Variants in FRMD7 observed in about 807,000 individuals in gnomAD.
FRMD7 encodes the protein FERM domain-containing protein 7.
FRMD7 carries 14 observed loss-of-function variants against 44.1 expected under a neutral mutation model. That is an observed-to-expected ratio of 0.32 (90% confidence interval 0.21 to 0.50). FRMD7 has a LOEUF of 0.50. Among genes scored for constraint, FRMD7 ranks in the 20% least tolerant of loss-of-function variants. The probability of loss-of-function intolerance (pLI) is 0.99; values close to 1 mark genes in which losing one functional copy is unlikely to be tolerated. For missense variants in FRMD7, 501 were observed against 522.3 expected (o/e 0.96, Z 0.40); for synonymous variants, 212 against 187.4 (o/e 1.13, Z -1.07).
At chrX:132,092,333 C>T (rs1928203348) in intron 5 of FRMD7, among the ~76,000 whole-genome samples, 2 of 111,221 alleles carry the variant, frequency 1.8e-5, no homozygotes, top group African/African-American at 3.3e-5. Context: ...AGGTATCCAA[C>T]AAATATTAGA....
chrX:132,077,816 T>C lies in FRMD7; in HGVS notation c.*56A>G. On this transcript the variant is annotated 3_prime_UTR_variant, in exon 12 of 12. Coordinates refer to ENST00000298542, the MANE Select transcript of FRMD7 (RefSeq NM_194277.3). ...AAATGGTTTCTACAACTTCATTATTTTCTGCCTAAGTCGGTAACATGGAAC... is the reference window on the plus strand; with the variant it reads ...AAATGGTTTCTACAACTTCATTATTCTCTGCCTAAGTCGGTAACATGGAAC... 1 of 1,207,295 alleles carries C rather than the reference T, an allele frequency of 8.3e-7. No homozygotes were observed. The highest frequency in any genetic ancestry group is 3.0e-5 in the East Asian group (1 of 33,762).
intron 5 of FRMD7, among the ~76,000 whole-genome samples, chrX:132,088,557 CAA>C (rs150701717): frequency 3.0e-4 from 21 of 70,346 alleles, no homozygotes; most frequent in Non-Finnish European, 2.0e-4. Flanking sequence ...GGCCCTGTCT[CAA>C]AAAAAAAAAA....
At chrX:132,089,076 A>G (rs570185253) in intron 5 of FRMD7, among the ~76,000 whole-genome samples, 1 of 112,098 alleles carries the variant, frequency 8.9e-6, no homozygotes, top group African/African-American at 3.2e-5. Flanking sequence ...CAATGTGTAC[A>G]CTTCCTTATT....
chrX:132,098,080 G>A (rs997265738), intron 3 of FRMD7, among the ~76,000 whole-genome samples: 5 of 111,830 alleles, frequency 4.5e-5, no homozygotes, highest in Non-Finnish European at 9.4e-5. Flanking sequence ...GAGTTTGGAG[G>A]AGGTCAAGGA....
intron 1 of FRMD7, among the ~76,000 whole-genome samples, chrX:132,102,488 C>A (rs1429914292): frequency 9.0e-6 from 1 of 111,633 alleles, no homozygotes; most frequent in Non-Finnish European, 1.9e-5. Context: ...CCAGGGAGGG[C>A]CTGTTTATAG....
At chrX:132,124,971 G>A (rs1208874783) in intron 1 of FRMD7, among the ~76,000 whole-genome samples, 3 of 111,943 alleles carry the variant, frequency 2.7e-5, no homozygotes, top group African/African-American at 9.7e-5. Flanking sequence ...GGCCTCTGTG[G>A]ACACAGATGC....
chrX:132,110,749 T>G lies in FRMD7; in HGVS notation c.58-10033A>C, dbSNP rs1006867686. ...ATTCCTCACCAATGTGTGCACATAT[T>G]TGAACCCCTCCTTCAACACTCCGTA... is the stretch of plus-strand genomic sequence containing the variant. On this transcript the variant is annotated intron_variant, in intron 1 of 11. Transcript: ENST00000298542. Among the ~76,000 whole-genome samples, 10 of 112,306 alleles carry G rather than the reference T, an allele frequency of 8.9e-5. 1 individual carries two copies. The highest frequency in any genetic ancestry group is 2.3e-4 in the African/African-American group (7 of 30,899).
At chrX:132,096,608 CT>C (rs35848414) in intron 4 of FRMD7, among the ~76,000 whole-genome samples, 33,233 of 103,790 alleles carry the variant, frequency 0.32, 4,523 homozygotes, top group African/African-American at 0.44. Context: ...TCCTGTAGTC[CT>C]TGGCGGGAAG....
rs780567113 is a variant in FRMD7 at position 132,080,209 on chromosome X, C to A, written c.963G>T (p.Leu321Phe). The change falls in exon 10 of 12, where the codon TTG (leucine) becomes TTT (phenylalanine). Residue 321 changes from leucine to phenylalanine, a missense_variant. Leu to Phe is a conservative substitution (Grantham distance 22). Coordinates refer to ENST00000298542, the MANE Select transcript of FRMD7 (RefSeq NM_194277.3). ...ACAAAATCATGTACCTTTCAAATGG[C>A]AAGCTCTTCAGCCTCCCTTTTCTCC... Reference protein sequence around the residue: ...EYGRKGRLKSLPFERKHYPSQ... With the variant: ...EYGRKGRLKSFPFERKHYPSQ... 1.7e-6 allele frequency: 2 copies of A among 1,202,290 alleles called. No homozygotes were observed. Among genetic ancestry groups the A allele is most frequent in the African/African-American group, 3.5e-5 (2 of 57,073 alleles).
chrX:132,084,490 C>T lies in FRMD7; in HGVS notation c.741G>A (p.Leu247=), dbSNP rs776019246. ...ACGAATTTATTAGAAAGCTACTTAC[C>T]AAGATATTGGCATGAAGTTTGATGA... ...HFLIKLHANI[L]VLCKDTLEFT... Residue 247 remains leucine (L), a splice_region_variant and synonymous_variant, in exon 8 of 12, where the codon TTG becomes TTA. Transcript: ENST00000298542. The T allele has an allele frequency of 8.9e-6, 10 of 1,118,826 alleles. No individual in the cohort carries two copies. Among genetic ancestry groups the T allele is most frequent in the Non-Finnish European group, 1.2e-5 (10 of 810,794 alleles). The allele number at this position is 1,118,826 out of a possible 1,213,427, so 92.2% of individuals were successfully genotyped here.
intron 11 of FRMD7, 53 bp downstream of exon 11, chrX:132,079,953 A>C (rs1602791799): frequency 2.4e-6 from 2 of 825,810 alleles, no homozygotes; most frequent in Non-Finnish European, 3.7e-6. Context: ...AAGCATTTGA[A>C]ATTTGCACAA....
intron 8 of FRMD7, 99 bp downstream of exon 8, chrX:132,084,391 C>T (rs1927916712): frequency 3.5e-6 from 2 of 567,941 alleles, no homozygotes; most frequent in Non-Finnish European, 6.3e-6. Context: ...CACTCAGGGC[C>T]AGCCGGCTTT....
In FRMD7 at chrX:132,100,717, C is replaced by T; in HGVS notation, c.58-1G>A. The T allele has an allele frequency of 1.7e-6, 2 of 1,165,007 alleles. No homozygotes were observed. Among genetic ancestry groups the T allele is most frequent in the Non-Finnish European group, 1.2e-6 (1 of 853,584 alleles). On this transcript the variant is annotated splice_acceptor_variant, in intron 1 of 11. Coordinates refer to ENST00000298542, the MANE Select transcript of FRMD7 (RefSeq NM_194277.3). LOFTEE classifies it high-confidence loss of function. ...ACAATGCCTTCCCGGATGACTTTTG[C>T]TAAACAAAACAAAAAGATGATAGCA...
At chrX:132,100,582 A>T in intron 2 of FRMD7, 30 bp downstream of exon 2, 2 of 1,007,075 alleles carry the variant, frequency 2.0e-6, no homozygotes, top group Non-Finnish European at 2.8e-6. Context: ...AATGCTAGAC[A>T]CAAAGAACCC....
At chrX:132,126,876 T>G (rs1345064120) in intron 1 of FRMD7, among the ~76,000 whole-genome samples, 1 of 111,751 alleles carries the variant, frequency 8.9e-6, no homozygotes, top group East Asian at 2.8e-4. Context: ...ACAAAGCACA[T>G]GATTCAAATA....
chrX:132,079,045 A>C lies in FRMD7; in HGVS notation c.1051-79T>G, dbSNP rs776146495. 7.3e-6 allele frequency: 6 copies of C among 818,225 alleles called. No homozygotes were observed. The East Asian group carries it at 9.4e-5, about 13-fold the overall frequency. 67.4% of individuals were successfully genotyped at this position (818,225 alleles called of 1,213,427 possible). A position where few individuals can be genotyped will look rare whatever the true frequency, so the allele number is the denominator to read the frequency against. On this transcript the variant is annotated intron_variant, in intron 11 of 11. Coordinates refer to ENST00000298542, the MANE Select transcript of FRMD7 (RefSeq NM_194277.3). ...TGGGGGAGGGATCTAAATTAGCCTCAAAGTTTGAAAGGTAGTTTTTCATAA... is the reference window on the plus strand; with the variant it reads ...TGGGGGAGGGATCTAAATTAGCCTCCAAGTTTGAAAGGTAGTTTTTCATAA...
At chrX:132,116,367 G>C (rs1928897414) in intron 1 of FRMD7, among the ~76,000 whole-genome samples, 2 of 111,609 alleles carry the variant, frequency 1.8e-5, no homozygotes, top group African/African-American at 6.5e-5. Flanking sequence ...ATGATTCTCA[G>C]ATGCCACGTA....
chrX:132,081,081 T>C (rs1420279611), intron 9 of FRMD7, among the ~76,000 whole-genome samples: 1 of 111,529 alleles, frequency 9.0e-6, no homozygotes, highest in Admixed American at 9.5e-5. Flanking sequence ...ACACCTGTAA[T>C]TCGAGCACTT....
chrX:132,087,927 T>C lies in FRMD7; in HGVS notation c.383-1893A>G, dbSNP rs7056185. 4.3e-3 allele frequency among the ~76,000 whole-genome samples: 465 copies of C among 109,033 alleles called. 5 individuals carry two copies. The highest frequency in any genetic ancestry group is 0.015 in the African/African-American group (431 of 29,559). 94.7% of individuals were successfully genotyped at this position (109,033 alleles called of 115,157 possible). A position where few individuals can be genotyped will look rare whatever the true frequency, so the allele number is the denominator to read the frequency against. On this transcript the variant is annotated intron_variant, in intron 5 of 11. Coordinates refer to ENST00000298542, the MANE Select transcript of FRMD7 (RefSeq NM_194277.3). ...CAATGACTATAATACACTATGATAA[T>C]AGAATAAAGGACAAAAAAAAAATAA...
Sources: gnomAD v4.1 joint callset for allele counts (sites outside exome capture counted in the v4.1 genomes callset) on GRCh38, gnomAD v4.1.1 for gene constraint, MANE v1.5 for transcripts, NCBI Gene and HGNC (gene_info 2026-07-23, HGNC 2026-07-21) for gene names.